The following RHOQ variants were observed in gnomAD, a reference collection of about 807,000 sequenced individuals.
The protein encoded by RHOQ is ras homolog family member Q.
A neutral mutation model predicts 25.8 loss-of-function variants in RHOQ; 7 were observed. The ratio of observed to expected loss-of-function variants is 0.27; its 90% CI spans 0.15 to 0.51. The LOEUF (loss-of-function observed/expected upper bound fraction) is 0.51. RHOQ is among the 20% of genes least tolerant of loss of function. The pLI, the probability that RHOQ is intolerant of heterozygous loss-of-function variation, is 0.97. For missense variants in RHOQ, 165 were observed against 260.6 expected, an observed-to-expected ratio of 0.63 and a Z score of 2.53; for synonymous variants, 97 against 98.6, an observed-to-expected ratio of 0.98 and a Z score of 0.10.
intron 2 of RHOQ, 144 bp downstream of exon 2, chr2:46,543,956 A>G: frequency 1.5e-6 from 1 of 648,262 alleles, no homozygotes; most frequent in Non-Finnish European, 2.7e-6. Context: ...ATTTCTTGTA[A>G]CAAGTCAGCA....
In RHOQ at chr2:46,576,311, G is replaced by C; in HGVS notation, c.366+60G>C. On this transcript the variant is annotated intron_variant, in intron 3 of 4. Coordinates refer to ENST00000238738, the MANE Select transcript of RHOQ (RefSeq NM_012249.4). This position sits in a 1 kb window ranked among gnomAD's most constrained non-coding sequence, Gnocchi z 5.1. ...AGCTCTTTGGTCTGTCGTAGAGGCT[G>C]CTCTCAGACAAACAGTCCCAAAGCT... The C allele has an allele frequency of 7.2e-7, 1 of 1,388,428 alleles. No homozygotes were observed. The highest frequency in any genetic ancestry group is 1.3e-5 in the South Asian group (1 of 77,284). The allele number at this position is 1,388,428 out of a possible 1,614,324, so 86.0% of individuals were successfully genotyped here. A position where few individuals can be genotyped will look rare whatever the true frequency, so the allele number is the denominator to read the frequency against.
At chr2:46,543,850 T>C (rs745525053) in intron 2 of RHOQ, 38 bp downstream of exon 2, 4 of 1,585,996 alleles carry the variant, frequency 2.5e-6, no homozygotes, top group Non-Finnish European at 3.5e-6. Flanking sequence ...CCCCCTCCTG[T>C]TCCCCAGTTC....
At chr2:46,571,659 T>G (rs1668919465) in intron 2 of RHOQ, among the ~76,000 whole-genome samples, 1 of 152,218 alleles carries the variant, frequency 6.6e-6, no homozygotes, top group Non-Finnish European at 1.5e-5. Context: ...GACTGTCTTT[T>G]TATATGTTTA....
chr2:46,554,511 T>C (rs1668353035), intron 2 of RHOQ, among the ~76,000 whole-genome samples: 1 of 152,148 alleles, frequency 6.6e-6, no homozygotes, highest in Non-Finnish European at 1.5e-5. Context: ...AGGTTAGCAC[T>C]CCTCTGGGTG....
chr2:46,544,157 C>T (rs1667965806), intron 2 of RHOQ, among the ~76,000 whole-genome samples: 1 of 152,114 alleles, frequency 6.6e-6, no homozygotes, highest in Admixed American at 6.5e-5. Flanking sequence ...CCAGGTCTCC[C>T]CCCCACAGCC....
At position 46,581,648 on chromosome 2, in the gene RHOQ, A is replaced by G. The variant is rs1448042036; in HGVS notation, c.*565A>G. 1 of 1,568,470 alleles carries G rather than the reference A, an allele frequency of 6.4e-7. No individual in the cohort carries two copies. Among genetic ancestry groups the G allele is most frequent in the East Asian group, 2.4e-5 (1 of 42,494 alleles). Reference sequence around the variant, plus strand: ...ACAAATGTTTTATTATTACTTGAGCACAAGTGTAACCTAAATATTTCTATA... The same window carrying G: ...ACAAATGTTTTATTATTACTTGAGCGCAAGTGTAACCTAAATATTTCTATA... On this transcript the variant is annotated 3_prime_UTR_variant, in exon 5 of 5. Coordinates refer to ENST00000238738, the MANE Select transcript of RHOQ (RefSeq NM_012249.4).
intron 2 of RHOQ, among the ~76,000 whole-genome samples, chr2:46,546,456 A>ATATATATATATATATG: frequency 2.0e-4 from 1 of 4,900 alleles, no homozygotes; most frequent in Non-Finnish European, 4.6e-4. Context: ...ATATACATAT[A>ATATATATATATATATG]TATATATATA....
At chr2:46,570,471 T>A (rs1668877339) in intron 2 of RHOQ, among the ~76,000 whole-genome samples, 1 of 151,864 alleles carries the variant, frequency 6.6e-6, no homozygotes, top group African/African-American at 2.4e-5. Context: ...GAAATGAGGT[T>A]TCATAGGCTA....
intron 2 of RHOQ, among the ~76,000 whole-genome samples, chr2:46,546,573 T>C (rs920318432): frequency 3.6e-5 from 5 of 138,498 alleles, no homozygotes; most frequent in African/African-American, 8.1e-5. Flanking sequence ...GAAAGGTCCA[T>C]GGGCTTTGGA....
chr2:46,564,596 C>T (rs956592468), intron 2 of RHOQ, among the ~76,000 whole-genome samples: 5 of 152,184 alleles, frequency 3.3e-5, no homozygotes, highest in Non-Finnish European at 7.3e-5. Flanking sequence ...GTTTGTTGGT[C>T]ATGGCTTAAC....
intron 2 of RHOQ, among the ~76,000 whole-genome samples, chr2:46,564,682 C>T (rs543308318): frequency 6.6e-6 from 1 of 152,288 alleles, no homozygotes; most frequent in South Asian, 2.1e-4. Context: ...GTGTAGTTAC[C>T]AGGGTCTTCT....
In RHOQ at chr2:46,566,699, C is replaced by G. The variant is rs894647731; in HGVS notation, c.202-9388C>G. 6.6e-6 allele frequency among the ~76,000 whole-genome samples: 1 copy of G among 152,170 alleles called. No homozygotes were observed. Among genetic ancestry groups the G allele is most frequent in the South Asian group, 2.1e-4 (1 of 4,834 alleles). On this transcript the variant is annotated intron_variant, in intron 2 of 4. Transcript: ENST00000238738. This position sits in a 1 kb window ranked among gnomAD's most constrained non-coding sequence, Gnocchi z 4.2. The stretch of plus-strand genomic sequence containing the variant: ...AGAGGGGTCCAAGCTGACTCCCTCT[C>G]CAGCCCCACCTGTCACCTGGCCTTT...
Position 46,556,277 on chromosome 2 carries a change from C to A in RHOQ, c.201+12465C>A, listed in dbSNP as rs1389500472. On this transcript the variant is annotated intron_variant, in intron 2 of 4. Transcript: ENST00000238738. The surrounding 1 kb of genome is among the most constrained non-coding windows in gnomAD (Gnocchi z 4.9). ...TATGGCTCTGTGATCTTTCTCTTTC[C>A]ATTTTATTCCTGCCCCCGCTCTTTT... is the stretch of plus-strand genomic sequence containing the variant. Among the ~76,000 whole-genome samples the A allele has an allele frequency of 1.3e-5, 2 of 151,990 alleles. No homozygotes were observed. Among genetic ancestry groups the A allele is most frequent in the Non-Finnish European group, 2.9e-5 (2 of 68,008 alleles).
chr2:46,543,207 G>A lies in RHOQ; in HGVS notation c.142+19G>A, dbSNP rs1460417738. 15 of 1,610,770 alleles carry A rather than the reference G, an allele frequency of 9.3e-6. No individual in the cohort carries two copies. Among genetic ancestry groups the A allele is most frequent in the Non-Finnish European group, 1.2e-5 (14 of 1,178,676 alleles). On this transcript the variant is annotated intron_variant, in intron 1 of 4. Transcript: ENST00000238738. ...TACGCAGGTAAGCCTCGGAACTGCTGACTAAGGGGCCGCTCCCCGGGCCGG... is the reference window on the plus strand; with the variant it reads ...TACGCAGGTAAGCCTCGGAACTGCTAACTAAGGGGCCGCTCCCCGGGCCGG...
In RHOQ at chr2:46,543,387, C is replaced by T. The variant is rs1429715483; in HGVS notation, c.142+199C>T. ...CCCGCTGATCCACCCCCTCTCCCAC[C>T]CGCCCCCTACGCGGCTCCTGCTCCC... On this transcript the variant is annotated intron_variant, in intron 1 of 4. Coordinates refer to ENST00000238738, the MANE Select transcript of RHOQ (RefSeq NM_012249.4). 8.1e-6 allele frequency: 5 copies of T among 618,406 alleles called. No individual in the cohort carries two copies. In the Admixed American group the frequency reaches 1.2e-4, roughly 15 times the overall value. The allele number at this position is 618,406 out of a possible 1,614,324, so 38.3% of individuals were successfully genotyped here. A position where few individuals can be genotyped will look rare whatever the true frequency, so the allele number is the denominator to read the frequency against.
At position 46,543,114 on chromosome 2, in the gene RHOQ, C is replaced by A; in HGVS notation, c.68C>A (p.Thr23Lys). 1 of 1,610,844 alleles carries A rather than the reference C, an allele frequency of 6.2e-7. No individual in the cohort carries two copies. Among genetic ancestry groups the A allele is most frequent in the East Asian group, 2.2e-5 (1 of 44,610 alleles). The part of the protein sequence containing the change: ...VVVGDGAVGK[T>K]CLLMSYANDA... ...GTCGGCGACGGGGCGGTGGGCAAGA[C>A]GTGCCTACTCATGAGCTATGCCAAC... Residue 23 changes from threonine to lysine, a missense_variant, in exon 1 of 5, where the codon ACG becomes AAG. Thr to Lys is a moderately conservative substitution (Grantham distance 78). Transcript: ENST00000238738.
chr2:46,581,485 T>C lies in RHOQ; in HGVS notation c.*402T>C. ...TATCTCCCTTTGCTCCAGTTAATTGTTCTTGTATGTAAGTTGCTTTCTATT... is the reference window on the plus strand; with the variant it reads ...TATCTCCCTTTGCTCCAGTTAATTGCTCTTGTATGTAAGTTGCTTTCTATT... On this transcript the variant is annotated 3_prime_UTR_variant, in exon 5 of 5. Coordinates refer to ENST00000238738, the MANE Select transcript of RHOQ (RefSeq NM_012249.4). 1 of 1,611,044 alleles carries C rather than the reference T, an allele frequency of 6.2e-7. No individual in the cohort carries two copies. The highest frequency in any genetic ancestry group is 8.5e-7 in the Non-Finnish European group (1 of 1,179,310).
chr2:46,572,682 C>T, intron 2 of RHOQ: 1 of 431,026 alleles, frequency 2.3e-6, no homozygotes, highest in Non-Finnish European at 4.6e-6. Context: ...GTTTAAATAC[C>T]TACATTTTAA....
chr2:46,563,217 C>T (rs1250372929), intron 2 of RHOQ, among the ~76,000 whole-genome samples: 1 of 152,158 alleles, frequency 6.6e-6, no homozygotes, highest in Non-Finnish European at 1.5e-5. Flanking sequence ...GTCCTACACT[C>T]GTGGTTAGGA....
Sources: gnomAD v4.1 joint callset for allele counts (sites outside exome capture counted in the v4.1 genomes callset) on GRCh38, gnomAD v4.1.1 for gene constraint, Gnocchi (gnomAD v3.1) non-coding constraint, MANE v1.5 for transcripts, NCBI Gene and HGNC (gene_info 2026-07-23, HGNC 2026-07-21) for gene names.